The following DDX42 variants were observed in gnomAD, a reference collection of about 807,000 sequenced individuals.
DDX42 encodes DEAD-box helicase 42, also known as ATP-dependent RNA helicase DDX42.
In DDX42, 22 loss-of-function variants were observed where a neutral mutation model predicts 101.5. The ratio of observed to expected loss-of-function variants is 0.22; its 90% CI spans 0.15 to 0.31. The LOEUF (loss-of-function observed/expected upper bound fraction) is 0.31, where lower values mean the gene tolerates loss of function less well. Ranked by LOEUF, DDX42 falls within the 10% of genes least tolerant of loss-of-function variation. The pLI, the probability that DDX42 is intolerant of heterozygous loss-of-function variation, is 1.00. For missense variants in DDX42, 849 were observed against 1,199.9 expected (o/e 0.71, Z 4.32); for synonymous variants, 402 against 401.2 (o/e 1.00, Z -0.02).
At chr17:63,789,919 T>A (rs1446139786) in intron 2 of DDX42, among the ~76,000 whole-genome samples, 1 of 152,202 alleles carries the variant, frequency 6.6e-6, no homozygotes, top group Non-Finnish European at 1.5e-5. Flanking sequence ...GCTGACATGT[T>A]ATTTAGGAGT....
chr17:63,774,221 G>GTGGTGT lies in DDX42; in HGVS notation c.-169_-168insTGTTGG. The GTGGTGT allele has an allele frequency of 4.1e-6, 1 of 244,548 alleles. No individual in the cohort carries two copies. The highest frequency in any genetic ancestry group is 6.7e-6 in the Non-Finnish European group (1 of 149,400). The allele number at this position is 244,548 out of a possible 1,614,324, so 15.1% of individuals were successfully genotyped here. On this transcript the variant is annotated 5_prime_UTR_variant, in exon 1 of 18. Coordinates refer to ENST00000389924, the MANE Select transcript of DDX42 (RefSeq NM_203499.3). ...CCGTGAGGCGGTGGCGGTGGTGGCGGTGGCGGCGGCGGTGGTGGTGGTGGC... is the reference window on the plus strand; with the variant it reads ...CCGTGAGGCGGTGGCGGTGGTGGCGGTGGTGTTGGCGGCGGCGGTGGTGGTGGTGGC...
chr17:63,809,283 A>G (rs1305409452), intron 10 of DDX42, among the ~76,000 whole-genome samples: 4 of 152,224 alleles, frequency 2.6e-5, no homozygotes, highest in African/African-American at 9.6e-5. Context: ...GAAACCTGTC[A>G]TTATGCTTTA....
chr17:63,810,338 G>A (rs2039894581), intron 11 of DDX42, 175 bp from the exon 12 acceptor site: 1 of 508,090 alleles, frequency 2.0e-6, no homozygotes, highest in Admixed American at 3.8e-5. Context: ...TGATCCGCCT[G>A]CTTCGGCCTC....
chr17:63,789,546 C>CGTGTTTTTTTTTTT (rs138224520), intron 2 of DDX42, among the ~76,000 whole-genome samples: 1 of 121,850 alleles, frequency 8.2e-6, no homozygotes, highest in African/African-American at 3.4e-5. Flanking sequence ...TTCTAAAAGA[C>CGTGTTTTTTTTTTT]TTTTTTGTTT....
At chr17:63,785,298 A>G (rs2039533631) in intron 1 of DDX42, among the ~76,000 whole-genome samples, 1 of 151,430 alleles carries the variant, frequency 6.6e-6, no homozygotes, top group South Asian at 2.1e-4. Flanking sequence ...AAAATACAAA[A>G]TATTAGCTGG....
At chr17:63,786,996 T>A (rs1021749257) in intron 1 of DDX42, 38 bp from the exon 2 acceptor site, 26 of 1,606,600 alleles carry the variant, frequency 1.6e-5, no homozygotes, top group Non-Finnish European at 2.2e-5. Flanking sequence ...TACACTTTTT[T>A]AAGTTTAATT....
At chr17:63,776,633 CTTTTTTTTT>C (rs773294172) in intron 1 of DDX42, among the ~76,000 whole-genome samples, 1 of 139,848 alleles carries the variant, frequency 7.2e-6, no homozygotes, top group Non-Finnish European at 1.6e-5. Context: ...ATAGTCTCAT[CTTTTTTTTT>C]TTTTTTTGAG....
intron 3 of DDX42, among the ~76,000 whole-genome samples, chr17:63,797,494 A>G (rs1567736861): frequency 6.7e-6 from 1 of 150,150 alleles, no homozygotes; most frequent in Non-Finnish European, 1.5e-5. Context: ...GCGCTGGATA[A>G]TTATTTGTTG....
chr17:63,805,842 C>T (rs1358773615), intron 7 of DDX42: 2 of 152,158 alleles, frequency 1.3e-5, no homozygotes, highest in Admixed American at 6.6e-5. Context: ...GTCTGTTTTC[C>T]AAGAGGTTAC....
At chr17:63,784,290 T>A in intron 1 of DDX42, among the ~76,000 whole-genome samples, 1 of 152,212 alleles carries the variant, frequency 6.6e-6, no homozygotes, top group East Asian at 1.9e-4. Context: ...AACATTTTAA[T>A]TTTTCTTACT....
intron 7 of DDX42, 138 bp from the exon 8 acceptor site, chr17:63,806,397 T>C (rs1598338529): frequency 2.3e-6 from 2 of 875,438 alleles, no homozygotes; most frequent in South Asian, 3.2e-5. Flanking sequence ...TCCTTTTCAT[T>C]GTATGATTTT....
chr17:63,792,240 A>G (rs1259356440), intron 2 of DDX42, among the ~76,000 whole-genome samples, 172 bp from the exon 3 acceptor site: 1 of 152,178 alleles, frequency 6.6e-6, no homozygotes, highest in East Asian at 1.9e-4. Flanking sequence ...TTTTGCATGT[A>G]TTAAGTAGTA....
At chr17:63,774,065 G>A (rs2039379121), upstream of DDX42, 1 of 221,700 alleles carries the variant, frequency 4.5e-6, no homozygotes, top group Non-Finnish European at 8.9e-6. Context: ...TATCTGAGGA[G>A]CCTGTGAGGC....
intron 2 of DDX42, among the ~76,000 whole-genome samples, chr17:63,791,663 C>T (rs2039629333): frequency 6.6e-6 from 1 of 151,984 alleles, no homozygotes; most frequent in Non-Finnish European, 1.5e-5. Flanking sequence ...AGAAAATAGC[C>T]CAGAATTTCT....
At chr17:63,813,913 C>T (rs2039943417) in intron 15 of DDX42, among the ~76,000 whole-genome samples, 1 of 152,024 alleles carries the variant, frequency 6.6e-6, no homozygotes, top group Non-Finnish European at 1.5e-5. Context: ...GATCTCGGCT[C>T]ACTGCAACCT....
In DDX42 at chr17:63,816,599, T is replaced by G. The variant is rs896118033; in HGVS notation, c.2014-269T>G. ...TTTTACTTAATTAATTGGAAGTGTT[T>G]ATGTAAATACATGATCAACTTTGGG... On this transcript the variant is annotated intron_variant, in intron 16 of 17. Coordinates refer to ENST00000389924, the MANE Select transcript of DDX42 (RefSeq NM_203499.3). The G allele has an allele frequency of 1.8e-5, 5 of 279,514 alleles. No individual in the cohort carries two copies. In the Admixed American group the frequency reaches 2.6e-4, roughly 15 times the overall value. The allele number at this position is 279,514 out of a possible 1,614,324, so 17.3% of individuals were successfully genotyped here. A position where few individuals can be genotyped will look rare whatever the true frequency, so the allele number is the denominator to read the frequency against.
At chr17:63,810,630 C>CG (rs2039898744) in intron 12 of DDX42, 70 bp downstream of exon 12, 1 of 1,436,560 alleles carries the variant, frequency 7.0e-7, no homozygotes, top group African/African-American at 1.4e-5. Flanking sequence ...TATAAGCACT[C>CG]AGAGTTATGG....
intron 3 of DDX42, among the ~76,000 whole-genome samples, chr17:63,794,917 T>C (rs1381580932): frequency 1.4e-5 from 2 of 141,548 alleles, no homozygotes; most frequent in African/African-American, 5.3e-5. Context: ...GCCTGGGCAA[T>C]AGAGTGAGAC....
At chr17:63,795,193 CTG>C (rs1366511590) in intron 3 of DDX42, among the ~76,000 whole-genome samples, 1 of 152,132 alleles carries the variant, frequency 6.6e-6, no homozygotes, top group Non-Finnish European at 1.5e-5. Flanking sequence ...TATACTAAGT[CTG>C]TGTTTTTGTG....
Sources: gnomAD v4.1 joint callset for allele counts (sites outside exome capture counted in the v4.1 genomes callset) on GRCh38, gnomAD v4.1.1 for gene constraint, MANE v1.5 for transcripts, NCBI Gene and HGNC (gene_info 2026-07-23, HGNC 2026-07-21) for gene names.